ZNF385D: variants seen among roughly 807,000 people sequenced by gnomAD.
The protein encoded by ZNF385D is zinc finger protein 659.
Under a neutral mutation model 35.8 loss-of-function variants are expected in ZNF385D, and 15 were observed. The observed-to-expected ratio is 0.42, with a 90% CI of 0.28 to 0.64. The LOEUF is 0.64. Ranked by LOEUF, ZNF385D falls within the 30% of genes least tolerant of loss-of-function variation. The pLI is 0.23. For synonymous variants in ZNF385D, 212 were observed against 186.8 expected (o/e 1.13, Z -1.10); for missense variants, 474 against 494.6 (o/e 0.96, Z 0.39).
chr3:21,456,391 G>C (rs2125297904), intron 4 of ZNF385D, among the ~76,000 whole-genome samples: 1 of 152,296 alleles, frequency 6.6e-6, no homozygotes. Flanking sequence ...ATACACCATG[G>C]AATACTATGC....
chr3:21,895,892 A>C (rs1176627784), intron 3 of ZNF385D, among the ~76,000 whole-genome samples: 3 of 152,118 alleles, frequency 2.0e-5, no homozygotes, highest in Non-Finnish European at 2.9e-5. Context: ...AGTCTCCTAG[A>C]AGTTTGATTT....
At chr3:21,850,187 C>T (rs948028113) in intron 3 of ZNF385D, among the ~76,000 whole-genome samples, 1 of 152,044 alleles carries the variant, frequency 6.6e-6, no homozygotes, top group African/African-American at 2.4e-5. Flanking sequence ...CTCACTTTAT[C>T]AAACATTTGC....
At chr3:22,191,789 G>C (rs185698823) in intron 2 of ZNF385D, among the ~76,000 whole-genome samples, 36 of 152,130 alleles carry the variant, frequency 2.4e-4, no homozygotes, top group African/African-American at 8.2e-4. Flanking sequence ...AAATATTTCA[G>C]TGAAGGAATA....
chr3:22,189,112 G>A (rs960908345), intron 2 of ZNF385D, among the ~76,000 whole-genome samples: 9 of 151,818 alleles, frequency 5.9e-5, no homozygotes, highest in Non-Finnish European at 1.3e-4. Flanking sequence ...GTTTTTTTCA[G>A]GTGGAATTCT....
At chr3:22,097,899 A>T (rs563451106) in intron 3 of ZNF385D, among the ~76,000 whole-genome samples, 1 of 152,044 alleles carries the variant, frequency 6.6e-6, no homozygotes, top group African/African-American at 2.4e-5. Context: ...CCCCTAGCCC[A>T]TAAGAACCTA....
chr3:22,026,889 G>A (rs949269483), intron 3 of ZNF385D, among the ~76,000 whole-genome samples: 6 of 152,308 alleles, frequency 3.9e-5, no homozygotes, highest in African/African-American at 9.6e-5. Context: ...AAGACAGAGG[G>A]ATCTTGGAGA....
At chr3:21,624,451 A>G (rs554834174) in intron 2 of ZNF385D, among the ~76,000 whole-genome samples, 128 of 152,242 alleles carry the variant, frequency 8.4e-4, no homozygotes, top group Non-Finnish European at 1.6e-3. Context: ...AGATACATAT[A>G]AAAGATGAAA....
chr3:21,926,398 C>A (rs997143139), intron 3 of ZNF385D, among the ~76,000 whole-genome samples: 2 of 152,094 alleles, frequency 1.3e-5, no homozygotes, highest in East Asian at 3.9e-4. Context: ...GTTTTCTGTT[C>A]TTGTGTTTAG....
chr3:21,423,403 A>G (rs1484331544), intron 7 of ZNF385D, among the ~76,000 whole-genome samples: 1 of 152,200 alleles, frequency 6.6e-6, no homozygotes, highest in East Asian at 1.9e-4. Context: ...GATGAAAGCT[A>G]TGGTCACTTC....
chr3:21,524,157 C>A (rs188047242), intron 3 of ZNF385D, among the ~76,000 whole-genome samples: 1 of 152,066 alleles, frequency 6.6e-6, no homozygotes, highest in Non-Finnish European at 1.5e-5. Context: ...GGTTAGGATA[C>A]GTTGAGTTTA....
rs17009244 is a variant in ZNF385D at position 21,672,703 on chromosome 3, A to C, written c.23-7675T>G. ...TGGTATTTAAATATTCCAGTAAGTC[A>C]CCTCAACACACTTGGAAGGAAGCTA... On this transcript the variant is annotated intron_variant, in intron 1 of 7. Transcript: ENST00000281523. Among the ~76,000 whole-genome samples, 221 of 152,244 alleles carry C rather than the reference A, an allele frequency of 1.5e-3. 2 individuals carry two copies. Among genetic ancestry groups the C allele is most frequent in the East Asian group, 0.011 (57 of 5,180 alleles).
intron 3 of ZNF385D, among the ~76,000 whole-genome samples, chr3:22,043,929 G>A (rs1698827791): frequency 6.6e-6 from 1 of 152,044 alleles, no homozygotes; most frequent in Admixed American, 6.6e-5. Context: ...CCAACAGCTA[G>A]CAAGGACTTG....
At chr3:22,359,704 G>T (rs1210388774) in intron 2 of ZNF385D, among the ~76,000 whole-genome samples, 1 of 151,828 alleles carries the variant, frequency 6.6e-6, no homozygotes, top group African/African-American at 2.4e-5. Flanking sequence ...AGGGTAAAAT[G>T]ATGAATTCAG....
chr3:22,224,231 A>C (rs929908744), intron 2 of ZNF385D, among the ~76,000 whole-genome samples: 3 of 152,212 alleles, frequency 2.0e-5, no homozygotes, highest in Non-Finnish European at 2.9e-5. Flanking sequence ...GTGTTATTTC[A>C]TCCATGAAAA....
chr3:22,339,275 A>C (rs971225986), intron 2 of ZNF385D, among the ~76,000 whole-genome samples: 2 of 152,226 alleles, frequency 1.3e-5, no homozygotes, highest in African/African-American at 4.8e-5. Flanking sequence ...AAGTTGCCCA[A>C]GTGCGTAAGT....
At chr3:21,917,873 T>C (rs1200214213) in intron 3 of ZNF385D, among the ~76,000 whole-genome samples, 1 of 152,204 alleles carries the variant, frequency 6.6e-6, no homozygotes, top group Admixed American at 6.5e-5. Context: ...AACACTCTAG[T>C]CAGTCATTAA....
At chr3:21,979,917 A>G (rs561061569) in intron 3 of ZNF385D, 3 of 152,208 alleles carry the variant, frequency 2.0e-5, no homozygotes, top group Non-Finnish European at 4.4e-5. Context: ...CCTCTCTTCA[A>G]AAGGTGTAAC....
chr3:21,593,612 G>T (rs1018628728), intron 2 of ZNF385D, among the ~76,000 whole-genome samples: 1 of 151,968 alleles, frequency 6.6e-6, no homozygotes, highest in Non-Finnish European at 1.5e-5. Context: ...TCAAACATAT[G>T]TGTGAGCACA....
chr3:21,527,792 A>T (rs934645701), intron 3 of ZNF385D, among the ~76,000 whole-genome samples: 20 of 152,256 alleles, frequency 1.3e-4, no homozygotes, highest in African/African-American at 4.8e-4. Context: ...AAGCCTCTCT[A>T]GCTTAGGGCA....
Sources: allele counts gnomAD v4.1 joint callset (sites outside exome capture counted in the v4.1 genomes callset), GRCh38; gene constraint gnomAD v4.1.1; transcripts MANE v1.5; gene names NCBI Gene and HGNC (gene_info 2026-07-23, HGNC 2026-07-21).